GAB1: variants seen among roughly 807,000 people sequenced by gnomAD.
GAB1 encodes the protein GRB2 associated binding protein 1.
Under a neutral mutation model 66.5 loss-of-function variants are expected in GAB1, and 19 were observed. That is an observed-to-expected ratio of 0.29 (90% CI 0.20 to 0.42). The LOEUF (loss-of-function observed/expected upper bound fraction) is 0.42. GAB1 is among the 10% of genes least tolerant of loss of function. GAB1 has a pLI of 1.00. For synonymous variants in GAB1, 294 were observed against 301.4 expected (o/e 0.98, Z 0.25); for missense variants, 732 against 858.5 (o/e 0.85, Z 1.84).
intron 1 of GAB1, among the ~76,000 whole-genome samples, chr4:143,369,384 A>G (rs556792278): frequency 2.6e-5 from 4 of 152,272 alleles, no homozygotes; most frequent in Non-Finnish European, 5.9e-5. Context: ...GCCAAGAAAT[A>G]CCAGCTCTTA....
intron 6 of GAB1, among the ~76,000 whole-genome samples, chr4:143,446,297 G>C (rs1734527043): frequency 6.6e-6 from 1 of 152,144 alleles, no homozygotes; most frequent in African/African-American, 2.4e-5. Context: ...ATAGTCCTTT[G>C]GGTATATACC....
chr4:143,357,179 G>A (rs755823971), intron 1 of GAB1, among the ~76,000 whole-genome samples: 2 of 152,188 alleles, frequency 1.3e-5, no homozygotes, highest in Non-Finnish European at 2.9e-5. Context: ...GAACAGAACA[G>A]ATAGGATAAA....
intron 1 of GAB1, among the ~76,000 whole-genome samples, chr4:143,386,932 A>T (rs1730945031): frequency 6.6e-6 from 1 of 152,088 alleles, no homozygotes; most frequent in African/African-American, 2.4e-5. Flanking sequence ...TTTACAGAAG[A>T]TTTTTTTGTT....
At position 143,470,066 on chromosome 4, in the gene GAB1, G is replaced by C. The variant is rs28924081; in HGVS notation, c.*877G>C. Reference sequence around the variant, plus strand: ...CAGGTTTAGACAATGAGCTTTGGTTGTGTTCTTGTTAGTCCTAATATTGGT... The same window carrying C: ...CAGGTTTAGACAATGAGCTTTGGTTCTGTTCTTGTTAGTCCTAATATTGGT... On this transcript the variant is annotated 3_prime_UTR_variant, in exon 10 of 10. Coordinates refer to ENST00000262994, the MANE Select transcript of GAB1 (RefSeq NM_002039.4). 12,210 of 152,350 alleles carry C rather than the reference G, an allele frequency of 0.08. 966 individuals carry two copies. Among genetic ancestry groups the C allele is most frequent in the African/African-American group, 0.21 (8,697 of 41,482 alleles). 9.4% of individuals were successfully genotyped at this position (152,350 alleles called of 1,614,324 possible).
chr4:143,382,076 C>T (rs1009318074), intron 1 of GAB1: 17 of 152,214 alleles, frequency 1.1e-4, no homozygotes, highest in Admixed American at 6.5e-5. Flanking sequence ...AGATTGGAAT[C>T]TTATTCAGTA....
At chr4:143,448,877 A>T (rs897107587) in intron 6 of GAB1, among the ~76,000 whole-genome samples, 5 of 150,290 alleles carry the variant, frequency 3.3e-5, no homozygotes, top group African/African-American at 1.2e-4. Flanking sequence ...TTTAATTGTG[A>T]TGTTAGGGTG....
At chr4:143,400,432 C>T (rs73850413) in intron 1 of GAB1, among the ~76,000 whole-genome samples, 4,083 of 152,220 alleles carry the variant, frequency 0.027, 182 homozygotes, top group African/African-American at 0.094. Context: ...GTTTTTATTT[C>T]TAATTATTCC....
chr4:143,353,013 AAAG>A (rs1433285485), intron 1 of GAB1, among the ~76,000 whole-genome samples: 5 of 152,214 alleles, frequency 3.3e-5, no homozygotes, highest in African/African-American at 7.2e-5. Context: ...AAGAAACTCA[AAAG>A]ACATGATTAA....
rs201422141 is a variant in GAB1 at position 143,368,887 on chromosome 4, C to T, written c.72+31627C>T. On this transcript the variant is annotated intron_variant, in intron 1 of 9. Transcript: ENST00000262994. ...GCAACCTCTGTCTCCCAGGTTCAAGCGATTCTCCTGCCTTAGCCTCCCGAG... is the reference window on the plus strand; with the variant it reads ...GCAACCTCTGTCTCCCAGGTTCAAGTGATTCTCCTGCCTTAGCCTCCCGAG... 3.9e-5 allele frequency among the ~76,000 whole-genome samples: 6 copies of T among 152,212 alleles called. No homozygotes were observed. The South Asian group carries it at 6.2e-4, about 16-fold the overall frequency.
intron 1 of GAB1, among the ~76,000 whole-genome samples, chr4:143,337,937 G>GC (rs1560707130): frequency 6.6e-6 from 1 of 151,896 alleles, no homozygotes; most frequent in African/African-American, 2.4e-5. Flanking sequence ...GGAGGGCGCT[G>GC]GGGGGGAGCC....
chr4:143,391,039 G>T (rs780819353), intron 1 of GAB1, among the ~76,000 whole-genome samples: 13 of 152,172 alleles, frequency 8.5e-5, no homozygotes, highest in Non-Finnish European at 1.9e-4. Context: ...AGGCTGAGTG[G>T]TATAATTTCT....
At chr4:143,413,514 A>G (rs765493032) in intron 1 of GAB1, among the ~76,000 whole-genome samples, 1 of 152,070 alleles carries the variant, frequency 6.6e-6, no homozygotes, top group African/African-American at 2.4e-5. Flanking sequence ...ATGATTAAAG[A>G]CCTATATAAT....
intron 1 of GAB1, among the ~76,000 whole-genome samples, chr4:143,368,001 A>G (rs1195233761): frequency 1.3e-5 from 2 of 152,100 alleles, no homozygotes; most frequent in Non-Finnish European, 2.9e-5. Context: ...CTAGGATTCC[A>G]GGCGTGAGCC....
chr4:143,451,083 G>A (rs1265079220), intron 6 of GAB1, among the ~76,000 whole-genome samples: 8 of 152,248 alleles, frequency 5.3e-5, no homozygotes, highest in Admixed American at 2.0e-4. Flanking sequence ...GAAGCTCACC[G>A]TCTAGGAGGG....
chr4:143,383,904 T>C (rs1204475031), intron 1 of GAB1, among the ~76,000 whole-genome samples: 1 of 152,042 alleles, frequency 6.6e-6, no homozygotes, highest in African/African-American at 2.4e-5. Context: ...GCAAGAGCTA[T>C]TTCCACAAAA....
At chr4:143,437,610 G>C (rs1307804750) in intron 3 of GAB1, among the ~76,000 whole-genome samples, 3 of 152,170 alleles carry the variant, frequency 2.0e-5, no homozygotes, top group Non-Finnish European at 4.4e-5. Context: ...AACTGTACTA[G>C]CACTAGGTTT....
Position 143,436,629 on chromosome 4 carries a change from G to A in GAB1, c.594-1370G>A, listed in dbSNP as rs1032137824. ...CTAAGAAGAAGGGCTCGGTGCCTGC[G>A]TGACTGGAAATCAAAGAGAAGGAAT... is the stretch of plus-strand genomic sequence containing the variant. On this transcript the variant is annotated intron_variant, in intron 3 of 9. Transcript: ENST00000262994. Among the ~76,000 whole-genome samples the A allele has an allele frequency of 3.9e-5, 6 of 152,204 alleles. No individual in the cohort carries two copies. The East Asian group carries it at 1.2e-3, about 29-fold the overall frequency.
intron 1 of GAB1, among the ~76,000 whole-genome samples, chr4:143,384,094 T>G (rs982264043): frequency 6.6e-6 from 1 of 152,022 alleles, no homozygotes; most frequent in Non-Finnish European, 1.5e-5. Context: ...AAAAAAGATA[T>G]GTGAAATTAA....
chr4:143,350,264 A>G, intron 1 of GAB1: 1 of 595,882 alleles, frequency 1.7e-6, no homozygotes, highest in African/African-American at 1.9e-5. Context: ...AAATACTTTT[A>G]AGATAAAGTT....
Sources: allele counts gnomAD v4.1 joint callset (sites outside exome capture counted in the v4.1 genomes callset), GRCh38; gene constraint gnomAD v4.1.1; transcripts MANE v1.5; gene names NCBI Gene and HGNC (gene_info 2026-07-23, HGNC 2026-07-21).